The following DPP10 variants were observed in gnomAD, a reference collection of about 807,000 sequenced individuals.
DPP10 encodes inactive dipeptidyl peptidase 10.
In DPP10, 33 loss-of-function variants were observed where a neutral mutation model predicts 120.9. The ratio of observed to expected loss-of-function variants is 0.27; its 90% CI spans 0.21 to 0.37. The LOEUF (loss-of-function observed/expected upper bound fraction) is 0.37. Ranked by LOEUF, DPP10 falls within the 10% of genes least tolerant of loss-of-function variation. The pLI, the probability that DPP10 is intolerant of heterozygous loss-of-function variation, is 1.00. For missense variants in DPP10, 816 were observed against 942.8 expected (o/e 0.87, Z 1.76); for synonymous variants, 337 against 326.1 (o/e 1.03, Z -0.36).
At chr2:115,058,680 C>T (rs1278988157) in intron 1 of DPP10, among the ~76,000 whole-genome samples, 2 of 152,190 alleles carry the variant, frequency 1.3e-5, no homozygotes, top group Non-Finnish European at 2.9e-5. Context: ...GGATTACAGA[C>T]GTGAGCTACC....
intron 1 of DPP10, among the ~76,000 whole-genome samples, chr2:115,192,882 A>C (rs996962823): frequency 1.3e-5 from 2 of 151,390 alleles, no homozygotes; most frequent in Admixed American, 1.3e-4. Context: ...AATAAATTTT[A>C]ATTTATTTTA....
At chr2:114,736,693 T>C (rs1486916794) in intron 1 of DPP10, among the ~76,000 whole-genome samples, 1 of 152,222 alleles carries the variant, frequency 6.6e-6, no homozygotes, top group African/African-American at 2.4e-5. Context: ...TTTTCAAAGA[T>C]GATCCAACTT....
At chr2:115,182,152 A>G (rs971024307) in intron 1 of DPP10, among the ~76,000 whole-genome samples, 4 of 152,226 alleles carry the variant, frequency 2.6e-5, no homozygotes, top group African/African-American at 9.6e-5. Flanking sequence ...GTTGAAAAAG[A>G]TGGTATATTC....
At chr2:115,370,322 T>C (rs2065325941) in intron 3 of DPP10, among the ~76,000 whole-genome samples, 1 of 152,008 alleles carries the variant, frequency 6.6e-6, no homozygotes, top group Non-Finnish European at 1.5e-5. Flanking sequence ...TTTTAGAAAA[T>C]GTCAGGGAAA....
At chr2:115,606,732 A>G (rs1173327836) in intron 5 of DPP10, among the ~76,000 whole-genome samples, 1 of 152,178 alleles carries the variant, frequency 6.6e-6, no homozygotes, top group Non-Finnish European at 1.5e-5. Context: ...ACCAGTACTA[A>G]TTTCCTGGAC....
At position 114,469,436 on chromosome 2, in the gene DPP10, T is replaced by C. The variant is rs562976089; in HGVS notation, c.60+26598T>C. ...GAAAGACAGAAGTTTTTAAAAAATA[T>C]ATATATATTGTGGGCGGGGTGTGGT... On this transcript the variant is annotated intron_variant, in intron 1 of 25. Transcript: ENST00000410059. Among the ~76,000 whole-genome samples the C allele has an allele frequency of 9.8e-5, 15 of 152,298 alleles. No homozygotes were observed. In the East Asian group the frequency reaches 1.5e-3, roughly 16 times the overall value.
At chr2:115,427,255 C>T (rs1007038904) in intron 3 of DPP10, among the ~76,000 whole-genome samples, 2 of 152,220 alleles carry the variant, frequency 1.3e-5, no homozygotes, top group African/African-American at 4.8e-5. Flanking sequence ...CTCCACTAGG[C>T]AATGTCCCAG....
intron 5 of DPP10, among the ~76,000 whole-genome samples, chr2:115,683,371 G>T (rs1408800247): frequency 6.6e-6 from 1 of 151,942 alleles, no homozygotes; most frequent in Non-Finnish European, 1.5e-5. Flanking sequence ...GGAACACACA[G>T]AATTTTGGGG....
At chr2:115,719,425 T>G (rs1167637648) in intron 7 of DPP10, among the ~76,000 whole-genome samples, 1 of 152,190 alleles carries the variant, frequency 6.6e-6, no homozygotes, top group East Asian at 1.9e-4. Context: ...CAGGTACTGA[T>G]GCAAAGGTGA....
At chr2:115,597,071 C>T (rs1046281883) in intron 5 of DPP10, among the ~76,000 whole-genome samples, 8 of 152,092 alleles carry the variant, frequency 5.3e-5, no homozygotes, top group Admixed American at 1.3e-4. Flanking sequence ...GGAAGTAAAA[C>T]GCATATCCCT....
chr2:115,210,082 A>G (rs564132009), intron 1 of DPP10, among the ~76,000 whole-genome samples: 9 of 152,210 alleles, frequency 5.9e-5, no homozygotes, highest in African/African-American at 2.2e-4. Flanking sequence ...CAGGTTTGCT[A>G]CGTATGTATA....
rs146978963 is a variant in DPP10 at position 115,067,140 on chromosome 2, TGA to T, written c.61-242095_61-242094del. On this transcript the variant is annotated intron_variant, in intron 1 of 25. Coordinates refer to ENST00000410059, the MANE Select transcript of DPP10 (RefSeq NM_020868.6). ...GTTTAAGTTTTTAAGATTGTATATG[TGA>T]GAGTATGCTGTATTTGTCTTTCTGT... 6.4e-3 allele frequency among the ~76,000 whole-genome samples: 972 copies of T among 152,350 alleles called. 9 individuals are homozygous for T. The highest frequency in any genetic ancestry group is 0.01 in the Non-Finnish European group (690 of 68,014).
At chr2:115,015,202 C>G (rs1195396883) in intron 1 of DPP10, among the ~76,000 whole-genome samples, 1 of 152,170 alleles carries the variant, frequency 6.6e-6, no homozygotes, top group East Asian at 1.9e-4. Flanking sequence ...TCAACATATG[C>G]AAATCAGTAA....
intron 3 of DPP10, among the ~76,000 whole-genome samples, chr2:115,378,964 T>C (rs185622434): frequency 2.0e-3 from 304 of 152,362 alleles, no homozygotes; most frequent in Middle Eastern, 6.8e-3. Flanking sequence ...CACTATTTTA[T>C]TGAGGATTTT....
intron 5 of DPP10, among the ~76,000 whole-genome samples, chr2:115,582,528 G>T (rs948771838): frequency 7.2e-5 from 11 of 152,070 alleles, no homozygotes; most frequent in Non-Finnish European, 1.5e-4. Context: ...GTCTGCTAAT[G>T]GTCACCTGAC....
chr2:115,416,881 T>C (rs1375600727), intron 3 of DPP10, among the ~76,000 whole-genome samples: 1 of 152,126 alleles, frequency 6.6e-6, no homozygotes, highest in Non-Finnish European at 1.5e-5. Flanking sequence ...TCTGAGAAGA[T>C]TAATAGAATT....
intron 1 of DPP10, among the ~76,000 whole-genome samples, chr2:114,734,415 T>C (rs1180778071): frequency 6.6e-6 from 1 of 152,142 alleles, no homozygotes; most frequent in Non-Finnish European, 1.5e-5. Context: ...TTAAACAAAC[T>C]CAACCAATTG....
chr2:114,625,521 C>G (rs1694446076), intron 1 of DPP10, among the ~76,000 whole-genome samples: 1 of 151,932 alleles, frequency 6.6e-6, no homozygotes, highest in South Asian at 2.1e-4. Context: ...TGAAGTACTT[C>G]TATGAACAGA....
At chr2:115,524,525 C>T (rs559818846) in intron 4 of DPP10, among the ~76,000 whole-genome samples, 2 of 152,244 alleles carry the variant, frequency 1.3e-5, no homozygotes, top group African/African-American at 4.8e-5. Flanking sequence ...TCCCTCAACC[C>T]TTATCATTCA....
Sources: allele counts gnomAD v4.1 joint callset (sites outside exome capture counted in the v4.1 genomes callset), GRCh38; gene constraint gnomAD v4.1.1; transcripts MANE v1.5; gene names NCBI Gene and HGNC (gene_info 2026-07-23, HGNC 2026-07-21).